Variants in NOD2 observed in about 807,000 individuals in gnomAD.
The protein encoded by NOD2 is nucleotide binding oligomerization domain containing 2.
A neutral mutation model predicts 90.9 loss-of-function variants in NOD2; 86 were observed. That is an observed-to-expected ratio of 0.95 (90% confidence interval 0.79 to 1.13). The LOEUF (loss-of-function observed/expected upper bound fraction) is 1.13, where lower values mean the gene tolerates loss of function less well. NOD2 is among the 50% of genes most tolerant of loss of function. The pLI is 0.00. For missense variants in NOD2, 1,238 were observed against 1,283.8 expected (o/e 0.96, Z 0.55); for synonymous variants, 581 against 554.6 (o/e 1.05, Z -0.67).
chr16:50,716,049 T>C (rs753467470), intron 4 of NOD2, among the ~76,000 whole-genome samples: 11 of 152,114 alleles, frequency 7.2e-5, no homozygotes, highest in Non-Finnish European at 1.2e-4. Context: ...GGGACTAGCC[T>C]GTTGGAGTGG....
At position 50,712,367 on chromosome 16, in the gene NOD2, C is replaced by T. The variant is rs1187329498; in HGVS notation, c.2375C>T (p.Ala792Val). ...CTGCCTTGCCTTGGTGTCTGCAAGG[C>T]TCTGTAGTGAGTGTTACTGGGCATT... ...QLLPCLGVCKALYLRDNNISD... is the reference protein window; with the variant it reads ...QLLPCLGVCKVLYLRDNNISD... Residue 792 changes from alanine (A) to valine (V), a missense_variant, in exon 4 of 12, where the codon GCT becomes GTT. Coordinates refer to ENST00000647318, the MANE Select transcript of NOD2 (RefSeq NM_001370466.1). 6.2e-7 allele frequency: 1 copy of T among 1,613,724 alleles called. No homozygotes were observed. The highest frequency in any genetic ancestry group is 1.7e-5 in the Admixed American group (1 of 60,030).
intron 3 of NOD2, 137 bp from the exon 4 acceptor site, chr16:50,710,421 G>A: frequency 9.0e-7 from 1 of 1,107,102 alleles, no homozygotes; most frequent in Non-Finnish European, 1.4e-6. Flanking sequence ...GCTTGTGAAT[G>A]GAGGAGCCAG....
intron 3 of NOD2, 120 bp from the exon 4 acceptor site, chr16:50,710,438 C>T (rs933496805): frequency 2.1e-5 from 29 of 1,376,924 alleles, no homozygotes; most frequent in African/African-American, 7.1e-5. Flanking sequence ...CCAGGATGGG[C>T]GCCCGCTGGC....
Position 50,712,065 on chromosome 16 carries a change from C to G in NOD2, c.2073C>G (p.His691Gln). Residue 691 changes from histidine (H) to glutamine (Q), a missense_variant, in exon 4 of 12, where the codon CAC becomes CAG. By Grantham distance (24) the His-to-Gln change is conservative. Around this residue, in one of 3 missense-constraint regions of NOD2, gnomAD observed 667 missense variants for 688.7 expected, o/e 0.97. Coordinates refer to ENST00000647318, the MANE Select transcript of NOD2 (RefSeq NM_001370466.1). ...GTCTGGCCCGCAGCCTCCGCAAGCA[C>G]TTCCACTCCATCCCGCCAGCTGCAC... ...RWCLARSLRK[H>Q]FHSIPPAAPG... 2.5e-6 allele frequency: 4 copies of G among 1,613,426 alleles called. No individual in the cohort carries two copies. Among genetic ancestry groups the G allele is most frequent in the Non-Finnish European group, 3.4e-6 (4 of 1,179,852 alleles).
chr16:50,716,154 A>G (rs1964783214), intron 4 of NOD2, among the ~76,000 whole-genome samples: 1 of 152,206 alleles, frequency 6.6e-6, no homozygotes, highest in Non-Finnish European at 1.5e-5. Flanking sequence ...CAGCTGGTCT[A>G]CTGTCTGCTG....
intron 5 of NOD2, 105 bp from the exon 6 acceptor site, chr16:50,716,786 G>A (rs898505669): frequency 1.4e-6 from 2 of 1,445,376 alleles, no homozygotes; most frequent in Admixed American, 1.7e-5. Context: ...GCATGATGGG[G>A]GGTGCAGGTG....
chr16:50,706,505 G>A (rs1964198181), intron 2 of NOD2, among the ~76,000 whole-genome samples: 1 of 152,086 alleles, frequency 6.6e-6, no homozygotes, highest in East Asian at 1.9e-4. Context: ...AGGGATTGTG[G>A]CTTGGAGGAG....
chr16:50,697,304 G>C (rs771671839), intron 1 of NOD2: 10 of 1,558,198 alleles, frequency 6.4e-6, no homozygotes, highest in Non-Finnish European at 8.7e-6. Context: ...TGTCCTCCTC[G>C]GACATTCTCC....
chr16:50,697,558 C>A (rs2150777357), intron 1 of NOD2: 2 of 594,892 alleles, frequency 3.4e-6, no homozygotes, highest in East Asian at 2.9e-5. Flanking sequence ...GGGCCAAGCC[C>A]AGAGCTTATT....
chr16:50,701,895 C>G (rs1963956436), intron 2 of NOD2, among the ~76,000 whole-genome samples: 1 of 152,146 alleles, frequency 6.6e-6, no homozygotes, highest in African/African-American at 2.4e-5. Context: ...AAATTTACAA[C>G]CTTAGGTGCC....
intron 7 of NOD2, among the ~76,000 whole-genome samples, chr16:50,721,245 G>T (rs1468341372): frequency 6.6e-6 from 1 of 151,702 alleles, no homozygotes; most frequent in African/African-American, 2.4e-5. Context: ...GGTCACATCT[G>T]CCACATCAGG....
chr16:50,704,458 A>G (rs772524447), intron 2 of NOD2, among the ~76,000 whole-genome samples: 10 of 151,458 alleles, frequency 6.6e-5, no homozygotes, highest in Non-Finnish European at 1.2e-4. Flanking sequence ...GCTGGCCATC[A>G]TTTTCCTTCA....
rs750856649 is a variant in NOD2, at chr16:50,732,057, T to C, written c.*238T>C. ...TTTGCCATTGACTTCTTCCCAAGAT[T>C]CAATCCCAGGATGTACAAGGACAGC... is the stretch of plus-strand genomic sequence containing the variant. On this transcript the variant is annotated 3_prime_UTR_variant, in exon 12 of 12. Transcript: ENST00000647318. 1.8e-6 allele frequency: 1 copy of C among 542,122 alleles called. No individual in the cohort carries two copies. The highest frequency in any genetic ancestry group is 3.4e-6 in the Non-Finnish European group (1 of 295,638). The allele number at this position is 542,122 out of a possible 1,614,324, so 33.6% of individuals were successfully genotyped here.
intron 1 of NOD2, chr16:50,697,220 G>A: frequency 6.5e-7 from 1 of 1,549,482 alleles, no homozygotes; most frequent in Non-Finnish European, 8.7e-7. Flanking sequence ...TGCCATGCCT[G>A]CTCCCCCAGC....
chr16:50,715,393 G>C (rs1171444262), intron 4 of NOD2, among the ~76,000 whole-genome samples: 1 of 151,938 alleles, frequency 6.6e-6, no homozygotes, highest in Admixed American at 6.6e-5. Flanking sequence ...GCACAGCCTG[G>C]TGAGGCTGAT....
chr16:50,720,108 A>G, intron 7 of NOD2, 100 bp downstream of exon 7: 1 of 1,076,770 alleles, frequency 9.3e-7, no homozygotes, highest in South Asian at 1.3e-5. Context: ...CCCCAGAGGC[A>G]GCCCAGCTCC....
intron 7 of NOD2, among the ~76,000 whole-genome samples, chr16:50,720,274 G>A (rs187308148): frequency 3.3e-5 from 5 of 152,160 alleles, no homozygotes; most frequent in East Asian, 1.9e-4. Context: ...CTCAGGGGGC[G>A]CTAGGGCTGT....
chr16:50,720,070 G>A, intron 7 of NOD2, 62 bp downstream of exon 7: 2 of 1,487,018 alleles, frequency 1.3e-6, no homozygotes, highest in Admixed American at 3.4e-5. Context: ...GAGGATTTAG[G>A]GGCAGGTGAA....
chr16:50,710,004 T>G (rs1596858696), intron 3 of NOD2: 1 of 455,916 alleles, frequency 2.2e-6, no homozygotes, highest in Non-Finnish European at 4.4e-6. Context: ...TGGACCCAGG[T>G]TTTCAAACTC....
Sources: allele counts gnomAD v4.1 joint callset (sites outside exome capture counted in the v4.1 genomes callset), GRCh38; gene constraint gnomAD v4.1.1; regional missense constraint gnomAD v4.1.1; transcripts MANE v1.5; gene names NCBI Gene and HGNC (gene_info 2026-07-23, HGNC 2026-07-21).